CSMD1: variants seen among roughly 807,000 people sequenced by gnomAD.
The protein encoded by CSMD1 is CUB and sushi domain-containing protein 1.
CSMD1 carries 213 observed loss-of-function variants against 417.5 expected under a neutral mutation model. The observed-to-expected ratio is 0.51, with a 90% CI of 0.46 to 0.57. The LOEUF (loss-of-function observed/expected upper bound fraction) is 0.57. Among genes scored for constraint, CSMD1 ranks in the 20% least tolerant of loss-of-function variants. CSMD1 has a pLI of 0.00. For synonymous variants in CSMD1, 2,862 were observed against 1,736.8 expected (o/e 1.65, Z -16.11); for missense variants, 6,923 against 4,529.7 (o/e 1.53, Z -15.17).
At chr8:3,940,681 A>G (rs992289803) in intron 5 of CSMD1, among the ~76,000 whole-genome samples, 2 of 151,958 alleles carry the variant, frequency 1.3e-5, no homozygotes, top group Non-Finnish European at 2.9e-5. Flanking sequence ...AATTTCTATA[A>G]CATACCTACA....
At chr8:3,993,841 T>C (rs151051994) in intron 5 of CSMD1, among the ~76,000 whole-genome samples, 50 of 152,362 alleles carry the variant, frequency 3.3e-4, no homozygotes, top group African/African-American at 1.2e-3. Context: ...TTCCAGGTAC[T>C]CTGCATGCCC....
intron 2 of CSMD1, among the ~76,000 whole-genome samples, chr8:4,633,257 G>T (rs936153555): frequency 6.6e-6 from 1 of 150,384 alleles, no homozygotes; most frequent in African/African-American, 2.4e-5. Context: ...TTGTTTCTTT[G>T]TTTTTTTTTG....
chr8:3,218,073 G>T (rs1268595648), intron 29 of CSMD1, among the ~76,000 whole-genome samples: 1 of 152,110 alleles, frequency 6.6e-6, no homozygotes, highest in Non-Finnish European at 1.5e-5. Context: ...TTGAGTTGAA[G>T]GTGGTTTTTC....
chr8:4,798,300 T>A (rs918018782), intron 1 of CSMD1, among the ~76,000 whole-genome samples: 1 of 152,214 alleles, frequency 6.6e-6, no homozygotes, highest in Non-Finnish European at 1.5e-5. Context: ...CTGAGAATGA[T>A]GGTTTCTAGC....
At chr8:4,322,253 T>C (rs1799310103) in intron 3 of CSMD1, among the ~76,000 whole-genome samples, 1 of 152,208 alleles carries the variant, frequency 6.6e-6, no homozygotes, top group Non-Finnish European at 1.5e-5. Context: ...ACATACTGTA[T>C]TTAAAATAGT....
intron 6 of CSMD1, among the ~76,000 whole-genome samples, chr8:3,749,905 G>C (rs1372145341): frequency 6.6e-6 from 1 of 152,044 alleles, no homozygotes; most frequent in African/African-American, 2.4e-5. Context: ...TGTACCTATT[G>C]TGTGTAGCTA....
intron 4 of CSMD1, among the ~76,000 whole-genome samples, chr8:4,029,747 C>T (rs1333240024): frequency 1.3e-5 from 2 of 152,156 alleles, no homozygotes; most frequent in Non-Finnish European, 2.9e-5. Flanking sequence ...AGCATTAACT[C>T]GAAATTCCAC....
intron 3 of CSMD1, among the ~76,000 whole-genome samples, chr8:4,217,515 G>T (rs965115297): frequency 6.6e-6 from 1 of 152,158 alleles, no homozygotes; most frequent in Non-Finnish European, 1.5e-5. Context: ...TCAAGGGGAG[G>T]GAGAAGGTGG....
intron 2 of CSMD1, among the ~76,000 whole-genome samples, chr8:4,461,709 G>C (rs891899613): frequency 6.7e-6 from 1 of 149,424 alleles, no homozygotes; most frequent in Admixed American, 6.7e-5. Flanking sequence ...CACCACCATA[G>C]CCAGCTCATC....
At chr8:3,218,895 T>C (rs1335810233) in intron 29 of CSMD1, among the ~76,000 whole-genome samples, 1 of 152,072 alleles carries the variant, frequency 6.6e-6, no homozygotes, top group Non-Finnish European at 1.5e-5. Context: ...AAAAAAAAGT[T>C]ATTTTCATGT....
chr8:4,383,398 T>A lies in CSMD1; in HGVS notation c.415+36555A>T, dbSNP rs148422348. On this transcript the variant is annotated intron_variant, in intron 3 of 69. Coordinates refer to ENST00000635120, the MANE Select transcript of CSMD1 (RefSeq NM_033225.6). ...ATGTTTACTTGGGGGCTACATTTACTACATGCCTTGCCTCATTTCCGTTAA... is the reference window on the plus strand; with the variant it reads ...ATGTTTACTTGGGGGCTACATTTACAACATGCCTTGCCTCATTTCCGTTAA... 1.4e-4 allele frequency among the ~76,000 whole-genome samples: 21 copies of A among 152,320 alleles called. No individual in the cohort carries two copies. The East Asian group carries it at 3.5e-3, about 25-fold the overall frequency.
At chr8:4,458,773 GAT>G (rs1369037676) in intron 2 of CSMD1, among the ~76,000 whole-genome samples, 1 of 152,074 alleles carries the variant, frequency 6.6e-6, no homozygotes, top group Non-Finnish European at 1.5e-5. Context: ...CATTGAATAA[GAT>G]AACGGTTAGG....
chr8:2,978,921 C>CT (rs1178019342), intron 54 of CSMD1, 121 bp from the exon 55 acceptor site: 1 of 820,324 alleles, frequency 1.2e-6, no homozygotes, highest in Non-Finnish European at 1.8e-6. Context: ...AACATGATGG[C>CT]TGAGGCTCAT....
At chr8:3,644,801 T>A (rs1274520992) in intron 7 of CSMD1, among the ~76,000 whole-genome samples, 2 of 151,872 alleles carry the variant, frequency 1.3e-5, no homozygotes, top group African/African-American at 4.8e-5. Context: ...TTATACAGCA[T>A]TTCCACTTAA....
At chr8:4,397,634 G>A (rs1424643451) in intron 3 of CSMD1, among the ~76,000 whole-genome samples, 5 of 141,090 alleles carry the variant, frequency 3.5e-5, no homozygotes, top group African/African-American at 1.1e-4. Context: ...CAGACAATAT[G>A]CATCACTTGT....
At chr8:4,197,555 T>G (rs1799411384) in intron 3 of CSMD1, among the ~76,000 whole-genome samples, 1 of 152,154 alleles carries the variant, frequency 6.6e-6, no homozygotes, top group Admixed American at 6.5e-5. Context: ...AAACACTGGT[T>G]CTATTTCTTT....
intron 3 of CSMD1, among the ~76,000 whole-genome samples, chr8:4,081,179 C>T (rs558755437): frequency 6.6e-6 from 1 of 152,246 alleles, no homozygotes; most frequent in South Asian, 2.1e-4. Context: ...AAATAAACTT[C>T]TGTTATTTAT....
intron 5 of CSMD1, among the ~76,000 whole-genome samples, chr8:3,834,772 C>T (rs1802580902): frequency 6.6e-6 from 1 of 151,808 alleles, no homozygotes; most frequent in Non-Finnish European, 1.5e-5. Flanking sequence ...ATAGGAAGAG[C>T]TCAAGGCAAC....
chr8:4,276,442 T>A (rs1005657998), intron 3 of CSMD1, among the ~76,000 whole-genome samples: 1 of 152,052 alleles, frequency 6.6e-6, no homozygotes, highest in Non-Finnish European at 1.5e-5. Flanking sequence ...CATGGACGCT[T>A]GGAGGGGAAC....
Sources: allele counts gnomAD v4.1 joint callset (sites outside exome capture counted in the v4.1 genomes callset), GRCh38; gene constraint gnomAD v4.1.1; transcripts MANE v1.5; gene names NCBI Gene and HGNC (gene_info 2026-07-23, HGNC 2026-07-21).